CCBE1: variants seen among roughly 807,000 people sequenced by gnomAD.
CCBE1 encodes collagen and calcium binding EGF domains 1.
CCBE1 carries 37 observed loss-of-function variants against 50.0 expected under a neutral mutation model. The ratio of observed to expected loss-of-function variants is 0.74; its 90% CI spans 0.57 to 0.97. CCBE1 has a LOEUF of 0.97. Ranked by LOEUF, CCBE1 falls within the 50% of genes least tolerant of loss-of-function variation. The pLI, the probability that CCBE1 is intolerant of heterozygous loss-of-function variation, is 0.00. For synonymous variants in CCBE1, 234 were observed against 203.7 expected (o/e 1.15, Z -1.27); for missense variants, 538 against 523.8 (o/e 1.03, Z -0.26).
intron 2 of CCBE1, among the ~76,000 whole-genome samples, chr18:59,662,398 G>T (rs1407259921): frequency 6.6e-6 from 1 of 152,150 alleles, no homozygotes; most frequent in Admixed American, 6.5e-5. Context: ...TATATTACAA[G>T]GTGGATTACA....
At chr18:59,565,386 G>A (rs1486124496) in intron 2 of CCBE1, among the ~76,000 whole-genome samples, 1 of 152,226 alleles carries the variant, frequency 6.6e-6, no homozygotes, top group African/African-American at 2.4e-5. Flanking sequence ...GCAAAGGGCT[G>A]TGTTGGGTCC....
At chr18:59,680,379 A>G (rs1441175228) in intron 2 of CCBE1, among the ~76,000 whole-genome samples, 1 of 152,032 alleles carries the variant, frequency 6.6e-6, no homozygotes, top group African/African-American at 2.4e-5. Context: ...GGGGGGCCCA[A>G]GATATTTTCC....
At position 59,678,550 on chromosome 18, in the gene CCBE1, T is replaced by G. The variant is rs149608589; in HGVS notation, c.212+18079A>C. 7.4e-3 allele frequency among the ~76,000 whole-genome samples: 1,109 copies of G among 149,710 alleles called. 5 individuals carry two copies. Among genetic ancestry groups the G allele is most frequent in the African/African-American group, 0.024 (964 of 39,404 alleles). On this transcript the variant is annotated intron_variant, in intron 2 of 10. Coordinates refer to ENST00000439986, the MANE Select transcript of CCBE1 (RefSeq NM_133459.4). The stretch of plus-strand genomic sequence containing the variant: ...TATATTTAAAAAATTATATGTATTT[T>G]GAGATGGAGTCTCACTCTGTTGCCC...
intron 7 of CCBE1, 85 bp from the exon 8 acceptor site, chr18:59,439,901 C>G: frequency 6.9e-7 from 1 of 1,459,496 alleles, no homozygotes; most frequent in Non-Finnish European, 9.4e-7. Context: ...ACCCCTGCAG[C>G]CATTTCTCTT....
chr18:59,507,673 T>C (rs2144284828), intron 2 of CCBE1, among the ~76,000 whole-genome samples: 1 of 152,298 alleles, frequency 6.6e-6, no homozygotes, highest in East Asian at 1.9e-4. Flanking sequence ...TGAGAGTAGT[T>C]ACCTAAATCT....
At chr18:59,547,088 A>AGGGGGAGGTAGG (rs1568199289) in intron 2 of CCBE1, among the ~76,000 whole-genome samples, 1 of 116,446 alleles carries the variant, frequency 8.6e-6, no homozygotes, top group South Asian at 3.5e-4. Flanking sequence ...AGAAAGGGAG[A>AGGGGGAGGTAGG]GAGAGGGAGG....
rs117531097 is a variant in CCBE1 at position 59,640,207 on chromosome 18, G to A, written c.212+56422C>T. Among the ~76,000 whole-genome samples, 1,307 of 152,196 alleles carry A rather than the reference G, an allele frequency of 8.6e-3. 10 individuals carry two copies. The highest frequency in any genetic ancestry group is 0.03 in the East Asian group (158 of 5,184). On this transcript the variant is annotated intron_variant, in intron 2 of 10. Transcript: ENST00000439986. ...GATTCTAAACAAAAAGAATAGAGAT[G>A]GAGGCATCACATTACCTGACTTCAA...
intron 2 of CCBE1, among the ~76,000 whole-genome samples, chr18:59,611,811 C>T (rs1041912627): frequency 6.6e-6 from 1 of 152,164 alleles, no homozygotes; most frequent in Non-Finnish European, 1.5e-5. Flanking sequence ...GCATTCATGA[C>T]ACCAAACTAA....
intron 10 of CCBE1, 53 bp from the exon 11 acceptor site, chr18:59,436,194 C>T (rs757755785): frequency 3.2e-5 from 49 of 1,521,762 alleles, no homozygotes; most frequent in Non-Finnish European, 4.0e-5. Context: ...CAATGGCCTC[C>T]GGGGCTCCAT....
chr18:59,509,504 G>A (rs1914036653), intron 2 of CCBE1, among the ~76,000 whole-genome samples: 1 of 152,122 alleles, frequency 6.6e-6, no homozygotes, highest in African/African-American at 2.4e-5. Flanking sequence ...CTAGGAAAAT[G>A]TTCATATTGC....
At chr18:59,656,856 T>C in intron 2 of CCBE1, among the ~76,000 whole-genome samples, 1 of 152,170 alleles carries the variant, frequency 6.6e-6, no homozygotes, top group Middle Eastern at 3.2e-3. Flanking sequence ...TATCTTGGGA[T>C]GCTTCAGCAC....
chr18:59,696,743 C>T, intron 1 of CCBE1, 34 bp from the exon 2 acceptor site: 1 of 1,608,346 alleles, frequency 6.2e-7, no homozygotes, highest in South Asian at 1.1e-5. Flanking sequence ...GTTCGATTCT[C>T]AGCGGGAGAG....
chr18:59,434,566 G>A lies in CCBE1; in HGVS notation c.*1342C>T, dbSNP rs1275634715. On this transcript the variant is annotated 3_prime_UTR_variant, in exon 11 of 11. Coordinates refer to ENST00000439986, the MANE Select transcript of CCBE1 (RefSeq NM_133459.4). ...TCCCTTTGCCACCCAGAGGTGCTCT[G>A]AGAAAACACTCTAACTCACTAGGAG... 1 of 152,196 alleles carries A rather than the reference G, an allele frequency of 6.6e-6. No homozygotes were observed. Among genetic ancestry groups the A allele is most frequent in the East Asian group, 1.9e-4 (1 of 5,194 alleles). The allele number at this position is 152,196 out of a possible 1,614,324, so 9.4% of individuals were successfully genotyped here.
chr18:59,452,569 G>T (rs1910989607), intron 6 of CCBE1, among the ~76,000 whole-genome samples: 1 of 152,118 alleles, frequency 6.6e-6, no homozygotes, highest in Non-Finnish European at 1.5e-5. Context: ...CTCCAGCCTG[G>T]GCGACAGAGC....
chr18:59,637,682 T>A (rs2053932262), intron 2 of CCBE1, among the ~76,000 whole-genome samples: 1 of 152,190 alleles, frequency 6.6e-6, no homozygotes, highest in African/African-American at 2.4e-5. Context: ...GCAACTGATT[T>A]AAAATATAAT....
At chr18:59,539,333 CTG>C (rs1915379416) in intron 2 of CCBE1, among the ~76,000 whole-genome samples, 1 of 152,148 alleles carries the variant, frequency 6.6e-6, no homozygotes, top group South Asian at 2.1e-4. Context: ...TTTCAAGGAA[CTG>C]AGAGTGGGCA....
At chr18:59,486,893 G>A (rs1001595767) in intron 2 of CCBE1, among the ~76,000 whole-genome samples, 4 of 151,660 alleles carry the variant, frequency 2.6e-5, no homozygotes, top group South Asian at 2.1e-4. Flanking sequence ...ATTTATTTAC[G>A]TGTAAGCTTG....
At chr18:59,577,887 G>A (rs1269868279) in intron 2 of CCBE1, among the ~76,000 whole-genome samples, 2 of 152,094 alleles carry the variant, frequency 1.3e-5, no homozygotes, top group Non-Finnish European at 2.9e-5. Context: ...ATACCAACCA[G>A]GACATAGACA....
intron 2 of CCBE1, among the ~76,000 whole-genome samples, chr18:59,621,565 G>T (rs775846474): frequency 2.0e-5 from 3 of 152,080 alleles, no homozygotes; most frequent in Non-Finnish European, 4.4e-5. Context: ...GCATTACATG[G>T]GCTATAACTG....
Sources: allele counts gnomAD v4.1 joint callset (sites outside exome capture counted in the v4.1 genomes callset), GRCh38; gene constraint gnomAD v4.1.1; transcripts MANE v1.5; gene names NCBI Gene and HGNC (gene_info 2026-07-23, HGNC 2026-07-21).